Variants in AFG2A observed in about 807,000 individuals in gnomAD.
AFG2A encodes ATPase family gene 2 protein homolog A.
the AFG2A span, among the ~76,000 whole-genome samples, chr4:123,100,859 T>C: frequency 5.9e-5 from 9 of 151,952 alleles, no homozygotes; most frequent in Non-Finnish European, 1.3e-4. Flanking sequence ...CAAAATTAGC[T>C]CCTCTAAGTT....
At chr4:123,054,881 A>G in the AFG2A span, among the ~76,000 whole-genome samples, 1 of 151,552 alleles carries the variant, frequency 6.6e-6, no homozygotes, top group East Asian at 1.9e-4. Context: ...GTTCCTCATT[A>G]TTTTTCCCCT....
At chr4:122,933,395 GT>G in the AFG2A span, 1 of 1,482,740 alleles carries the variant, frequency 6.7e-7, no homozygotes, top group Non-Finnish European at 9.4e-7. Flanking sequence ...TTAGTTTCTG[GT>G]GTACCTAATG....
chr4:123,109,130 G>A, the AFG2A span, among the ~76,000 whole-genome samples: 3 of 152,146 alleles, frequency 2.0e-5, no homozygotes, highest in African/African-American at 7.2e-5. Flanking sequence ...GAGGGAGGTT[G>A]AAGTGGTATA....
chr4:123,177,079 C>T, the AFG2A span, among the ~76,000 whole-genome samples: 2 of 152,004 alleles, frequency 1.3e-5, no homozygotes, highest in African/African-American at 4.8e-5. Context: ...TCCAGAGAAA[C>T]CAAGTTTATT....
the AFG2A span, among the ~76,000 whole-genome samples, chr4:123,009,063 G>A: frequency 6.6e-6 from 1 of 152,208 alleles, no homozygotes; most frequent in South Asian, 2.1e-4. Context: ...TCATGGTTAT[G>A]ATTTGTTAAC....
At chr4:122,941,444 C>T in the AFG2A span, among the ~76,000 whole-genome samples, 872 of 151,322 alleles carry the variant, frequency 5.8e-3, no homozygotes, top group African/African-American at 0.018. Context: ...TGTCTGTTAT[C>T]GGTGTATAAG....
At chr4:123,157,675 G>A in the AFG2A span, among the ~76,000 whole-genome samples, 2 of 152,138 alleles carry the variant, frequency 1.3e-5, no homozygotes, top group Non-Finnish European at 2.9e-5. Flanking sequence ...ACAAGTAACA[G>A]CATCTTAATT....
the AFG2A span, among the ~76,000 whole-genome samples, chr4:123,292,467 C>A: frequency 2.6e-5 from 4 of 152,048 alleles, no homozygotes; most frequent in African/African-American, 7.2e-5. Flanking sequence ...AATTATTTTT[C>A]TGGTTCCTTA....
the AFG2A span, among the ~76,000 whole-genome samples, chr4:122,939,487 C>T: frequency 1.3e-4 from 20 of 152,140 alleles, no homozygotes. Context: ...AGACTCCTGA[C>T]ATCCATTAAT....
At chr4:122,928,968 A>G in the AFG2A span, 8 of 1,541,134 alleles carry the variant, frequency 5.2e-6, no homozygotes, top group East Asian at 4.9e-5. Flanking sequence ...TGTGCTTAGC[A>G]TTCTACCTTA....
the AFG2A span, among the ~76,000 whole-genome samples, chr4:123,016,773 C>T: frequency 6.6e-6 from 1 of 152,134 alleles, no homozygotes; most frequent in Non-Finnish European, 1.5e-5. Flanking sequence ...AGGCAGGCGG[C>T]TGGGAGGTGG....
chr4:123,262,850 G>A, the AFG2A span, among the ~76,000 whole-genome samples: 6 of 152,166 alleles, frequency 3.9e-5, no homozygotes, highest in Non-Finnish European at 7.3e-5. Flanking sequence ...GAATGCTATA[G>A]GAGAAAGGAG....
the AFG2A span, among the ~76,000 whole-genome samples, chr4:122,946,899 A>G: frequency 6.6e-6 from 1 of 152,070 alleles, no homozygotes; most frequent in Admixed American, 6.6e-5. Context: ...TATGGTACAT[A>G]TTATATATAT....
chr4:123,074,088 A>G, the AFG2A span, among the ~76,000 whole-genome samples: 1 of 72,518 alleles, frequency 1.4e-5, no homozygotes, highest in South Asian at 6.7e-4. Flanking sequence ...GGACATTCTC[A>G]GATAGTATTT....
chr4:123,007,559 T>C, the AFG2A span, among the ~76,000 whole-genome samples: 1 of 35,484 alleles, frequency 2.8e-5, no homozygotes, highest in Non-Finnish European at 5.5e-5. Context: ...TATGTGTGTG[T>C]GTGTGTATAT....
chr4:123,147,605 T>G, the AFG2A span, among the ~76,000 whole-genome samples: 1 of 152,232 alleles, frequency 6.6e-6, no homozygotes, highest in East Asian at 1.9e-4. Context: ...ACTTCTCGCT[T>G]ATTTGTATGA....
chr4:122,934,637 A>T, the AFG2A span: 1 of 1,613,878 alleles, frequency 6.2e-7, no homozygotes, highest in East Asian at 2.2e-5. Context: ...AACCAATTCA[A>T]AGTAACTTAT....
the AFG2A span, chr4:122,936,046 CAA>C: frequency 1.9e-5 from 28 of 1,455,026 alleles, no homozygotes; most frequent in Non-Finnish European, 2.6e-5. Context: ...CTTTTATAGA[CAA>C]AGCTTTAAAA....
At chr4:123,124,877 T>G in the AFG2A span, among the ~76,000 whole-genome samples, 1 of 152,206 alleles carries the variant, frequency 6.6e-6, no homozygotes, top group Non-Finnish European at 1.5e-5. Flanking sequence ...TTGACAGAAA[T>G]TATTTTACAA....
Sources: allele counts gnomAD v4.1 joint callset (sites outside exome capture counted in the v4.1 genomes callset), GRCh38; gene constraint gnomAD v4.1.1; transcripts MANE v1.5; gene names NCBI Gene and HGNC (gene_info 2026-07-23, HGNC 2026-07-21).